WNK1: variants seen among roughly 807,000 people sequenced by gnomAD.
WNK1 encodes the protein serine/threonine-protein kinase WNK1.
WNK1 carries 38 observed loss-of-function variants against 222.8 expected under a neutral mutation model. The observed-to-expected ratio is 0.17, with a 90% confidence interval of 0.13 to 0.22. The LOEUF is 0.22. WNK1 is among the 10% of genes least tolerant of loss of function. The pLI is 1.00. For missense variants in WNK1, 2,348 were observed against 2,918.4 expected, an observed-to-expected ratio of 0.80 and a Z score of 4.50; for synonymous variants, 1,090 against 1,092.9, an observed-to-expected ratio of 1.00 and a Z score of 0.05.
chr12:895,787 A>G (rs1400111226), intron 23 of WNK1, among the ~76,000 whole-genome samples: 1 of 152,216 alleles, frequency 6.6e-6, no homozygotes, highest in African/African-American at 2.4e-5. Context: ...TATGTTGACT[A>G]AGACATAAAT....
intron 17 of WNK1, 25 bp downstream of exon 17, chr12:883,856 T>C: frequency 6.2e-7 from 1 of 1,612,404 alleles, no homozygotes; most frequent in Non-Finnish European, 8.5e-7. Flanking sequence ...TTTCCTTGTT[T>C]TTACCTTTGA....
Position 884,949 on chromosome 12 carries a change from G to GGATT in WNK1, c.4147_4150dup (p.Ala1384AspfsTer23). 1 of 1,614,164 alleles carries GGATT rather than the reference G, an allele frequency of 6.2e-7. No homozygotes were observed. Among genetic ancestry groups the GGATT allele is most frequent in the South Asian group, 1.1e-5 (1 of 91,078 alleles). ...GAGGTTACAGTGCCCACTGAAGAGG[G>GGATT]GATTGCTGGAGTTGCCACCAGCACA... is the stretch of plus-strand genomic sequence containing the variant. On this transcript the variant is annotated frameshift_variant, in exon 19 of 28. Transcript: ENST00000315939. LOFTEE classifies it high-confidence loss of function. This position sits in a 1 kb window ranked among gnomAD's most constrained non-coding sequence, Gnocchi z 5.6.
chr12:864,110 G>GTTTTTTTTTTTTTT lies in WNK1; in HGVS notation c.2139+1844_2139+1857dup, dbSNP rs372936466. Among the ~76,000 whole-genome samples the GTTTTTTTTTTTTTT allele has an allele frequency of 3.0e-3, 376 of 124,542 alleles. 19 individuals carry two copies. Among genetic ancestry groups the GTTTTTTTTTTTTTT allele is most frequent in the African/African-American group, 0.011 (357 of 33,100 alleles). The allele number at this position is 124,542 out of a possible 152,430, so 81.7% of individuals were successfully genotyped here. A position where few individuals can be genotyped will look rare whatever the true frequency, so the allele number is the denominator to read the frequency against. On this transcript the variant is annotated intron_variant, in intron 8 of 27. Transcript: ENST00000315939. The stretch of plus-strand genomic sequence containing the variant: ...ACCCTGTGCCTGAACATTTTTTTAA[G>GTTTTTTTTTTTTTT]TTTTTTTTTTTTTTTTTGACAGCGT...
chr12:883,338 G>A lies in WNK1; in HGVS notation c.3490-57G>A, dbSNP rs1953349646. On this transcript the variant is annotated intron_variant, in intron 15 of 27. Coordinates refer to ENST00000315939, the MANE Select transcript of WNK1 (RefSeq NM_018979.4). Reference sequence around the variant, plus strand: ...TGCAGATAGGACAGAAGTCATAAAAGTGACATAAAGTTTGAGAAATGACAC... The same window carrying A: ...TGCAGATAGGACAGAAGTCATAAAAATGACATAAAGTTTGAGAAATGACAC... 4 of 1,590,462 alleles carry A rather than the reference G, an allele frequency of 2.5e-6. No homozygotes were observed. In the South Asian group the frequency reaches 4.4e-5, roughly 18 times the overall value.
rs1395409992 is a variant in WNK1, at chr12:884,073, A to G, written c.3722-48A>G. ...CCAATAATGAAGTCTAACAATATTT[A>G]TAATAATAATGCTATTAAGTTACGT... On this transcript the variant is annotated intron_variant, in intron 17 of 27. Coordinates refer to ENST00000315939, the MANE Select transcript of WNK1 (RefSeq NM_018979.4). The surrounding 1 kb of genome is among the most constrained non-coding windows in gnomAD (Gnocchi z 5.6). 3 of 1,611,108 alleles carry G rather than the reference A, an allele frequency of 1.9e-6. No individual in the cohort carries two copies. Among genetic ancestry groups the G allele is most frequent in the Non-Finnish European group, 2.5e-6 (3 of 1,178,028 alleles).
In WNK1 at chr12:890,493, G is replaced by A. The variant is rs1954117568; in HGVS notation, c.5489G>A (p.Gly1830Glu). The change falls in exon 22 of 28, where the codon GGA becomes GAA. Residue 1830 changes from glycine (G) to glutamate (E), a missense_variant. Coordinates refer to ENST00000315939, the MANE Select transcript of WNK1 (RefSeq NM_018979.4). Reference sequence around the variant, plus strand: ...GCTCCAACAGCAATCACAGAAGCAGGAACACAGCCTCAGAAGGGTGGTGAG... The same window carrying A: ...GCTCCAACAGCAATCACAGAAGCAGAAACACAGCCTCAGAAGGGTGGTGAG... The part of the protein sequence containing the change: ...MAAPTAITEA[G>E]TQPQKGVSQV... 6.2e-7 allele frequency: 1 copy of A among 1,614,156 alleles called. No homozygotes were observed. Among genetic ancestry groups the A allele is most frequent in the Non-Finnish European group, 8.5e-7 (1 of 1,180,020 alleles).
intron 1 of WNK1, among the ~76,000 whole-genome samples, chr12:795,465 T>TAAGTCTCAGAG (rs1174141463): frequency 6.6e-6 from 1 of 151,996 alleles, no homozygotes; most frequent in Non-Finnish European, 1.5e-5. Context: ...TGATAGTGAA[T>TAAGTCTCAGAG]AAGTCTCAGA....
intron 25 of WNK1, among the ~76,000 whole-genome samples, chr12:900,016 CTTTTTTT>C (rs11433731): frequency 8.4e-6 from 1 of 119,642 alleles, no homozygotes; most frequent in African/African-American, 3.2e-5. Flanking sequence ...GGATTCTTTT[CTTTTTTT>C]TTTTTTTTTT....
intron 4 of WNK1, among the ~76,000 whole-genome samples, chr12:832,485 G>A (rs2154029655): frequency 6.6e-6 from 1 of 152,286 alleles, no homozygotes; most frequent in South Asian, 2.1e-4. Flanking sequence ...ATTTATTGCT[G>A]TGAATATTCC....
At chr12:867,688 G>A (rs775790433) in intron 8 of WNK1, 6 of 702,196 alleles carry the variant, frequency 8.5e-6, no homozygotes, top group African/African-American at 1.8e-5. Flanking sequence ...ATTGGCCCTG[G>A]ATGTATTTAA....
chr12:894,045 C>T (rs1305964977), intron 22 of WNK1, among the ~76,000 whole-genome samples: 1 of 151,638 alleles, frequency 6.6e-6, no homozygotes, highest in Admixed American at 6.6e-5. Flanking sequence ...TGGTGAAACT[C>T]CGTCTCTACT....
intron 1 of WNK1, among the ~76,000 whole-genome samples, chr12:768,885 C>T (rs1026283142): frequency 6.6e-6 from 1 of 152,014 alleles, no homozygotes; most frequent in African/African-American, 2.4e-5. Flanking sequence ...TCTCAGCTCA[C>T]TGCAACCTCC....
Position 851,547 on chromosome 12 carries a change from G to A in WNK1, c.1312-5614G>A, listed in dbSNP as rs1421996526. 3.4e-6 allele frequency: 4 copies of A among 1,179,068 alleles called. No individual in the cohort carries two copies. In the South Asian group the frequency reaches 6.7e-5, roughly 20 times the overall value. 73.0% of individuals were successfully genotyped at this position (1,179,068 alleles called of 1,614,324 possible). Reference sequence around the variant, plus strand: ...GAGTAGAGCAAATTCCTGTCTGAGAGTTGGGGAAGCATGGCTAGTGTTAAA... The same window carrying A: ...GAGTAGAGCAAATTCCTGTCTGAGAATTGGGGAAGCATGGCTAGTGTTAAA... On this transcript the variant is annotated intron_variant, in intron 4 of 27. Coordinates refer to ENST00000315939, the MANE Select transcript of WNK1 (RefSeq NM_018979.4).
At chr12:804,419 T>G (rs1222815850) in intron 1 of WNK1, among the ~76,000 whole-genome samples, 3 of 151,914 alleles carry the variant, frequency 2.0e-5, no homozygotes, top group Non-Finnish European at 2.9e-5. Flanking sequence ...ACTGAAAGTT[T>G]TTTTTTTTTT....
chr12:795,543 G>A (rs1219104289), intron 1 of WNK1, among the ~76,000 whole-genome samples: 1 of 152,086 alleles, frequency 6.6e-6, no homozygotes, highest in Non-Finnish European at 1.5e-5. Flanking sequence ...TGCCACCATT[G>A]ATGTAAGACA....
Position 761,559 on chromosome 12 carries a change from C to A in WNK1, c.759+7235C>A, listed in dbSNP as rs145941616. On this transcript the variant is annotated intron_variant, in intron 1 of 27. Coordinates refer to ENST00000315939, the MANE Select transcript of WNK1 (RefSeq NM_018979.4). ...ACAATATTATTTTTGTCAGTAGATA[C>A]GTGGTAGATGGTCTAGTTAACCAAA... Among the ~76,000 whole-genome samples the A allele has an allele frequency of 2.0e-5, 3 of 147,804 alleles. 1 individual carries two copies. The highest frequency in any genetic ancestry group is 7.3e-5 in the African/African-American group (3 of 41,090).
intron 1 of WNK1, among the ~76,000 whole-genome samples, chr12:772,099 T>C (rs1400220762): frequency 6.6e-6 from 1 of 151,954 alleles, no homozygotes; most frequent in Non-Finnish European, 1.5e-5. Flanking sequence ...CCTTAATTCA[T>C]ACACAAAAAA....
intron 9 of WNK1, among the ~76,000 whole-genome samples, chr12:872,250 C>T (rs752704406): frequency 1.3e-5 from 2 of 152,130 alleles, no homozygotes; most frequent in Admixed American, 6.5e-5. Flanking sequence ...CTCAGCCGCC[C>T]GAGTAGCTGG....
In WNK1 at chr12:885,904, C is replaced by G. The variant is rs763331677; in HGVS notation, c.5100C>G (p.Ser1700Arg). ...TCCCAACTACTGCTGTTGCACCAAG[C>G]AAACTCCTGACTTCTACCACAAGTA... ...PGIPTTAVAP[S>R]KLLTSTTSTC... is the part of the protein sequence containing the mutation. The change falls in exon 19 of 28, where the codon AGC (serine) becomes AGG (arginine). Residue 1700 changes from serine to arginine, a missense_variant. Around this residue, in one of 13 missense-constraint regions of WNK1, gnomAD observed 1,144 missense variants for 1,273.6 expected, o/e 0.90. Transcript: ENST00000315939. The G allele has an allele frequency of 1.2e-5, 19 of 1,608,802 alleles. No homozygotes were observed. The highest frequency in any genetic ancestry group is 2.5e-6 in the Non-Finnish European group (3 of 1,176,572).
Sources: gnomAD v4.1 joint callset for allele counts (sites outside exome capture counted in the v4.1 genomes callset) on GRCh38, gnomAD v4.1.1 for gene constraint, gnomAD v4.1.1 regional missense constraint, Gnocchi (gnomAD v3.1) non-coding constraint, MANE v1.5 for transcripts, NCBI Gene and HGNC (gene_info 2026-07-23, HGNC 2026-07-21) for gene names.